SPATA13: variants seen among roughly 807,000 people sequenced by gnomAD.
The protein encoded by SPATA13 is spermatogenesis associated 13.
Under a neutral mutation model 104.0 loss-of-function variants are expected in SPATA13, and 50 were observed. That is an observed-to-expected ratio of 0.48 (90% CI 0.38 to 0.61). The LOEUF (loss-of-function observed/expected upper bound fraction) is 0.61, where lower values mean the gene tolerates loss of function less well. Ranked by LOEUF, SPATA13 falls within the 20% of genes least tolerant of loss-of-function variation. The pLI, the probability that SPATA13 is intolerant of heterozygous loss-of-function variation, is 0.00. For synonymous variants in SPATA13, 606 were observed against 667.5 expected (o/e 0.91, Z 1.42); for missense variants, 1,524 against 1,690.6 (o/e 0.90, Z 1.73).
At chr13:24,059,097 G>A (rs532383246) in intron 3 of SPATA13, among the ~76,000 whole-genome samples, 1 of 151,744 alleles carries the variant, frequency 6.6e-6, no homozygotes, top group East Asian at 1.9e-4. Flanking sequence ...TCAGCCTTCC[G>A]AGTAGCTGGG....
Position 24,222,888 on chromosome 13 carries a change from G to GT in SPATA13, c.-42_-41insT. 1 of 1,548,418 alleles carries GT rather than the reference G, an allele frequency of 6.5e-7. No individual in the cohort carries two copies. The highest frequency in any genetic ancestry group is 8.7e-7 in the Non-Finnish European group (1 of 1,145,150). On this transcript the variant is annotated 5_prime_UTR_variant, in exon 2 of 13. Coordinates refer to ENST00000382108, the MANE Select transcript of SPATA13 (RefSeq NM_001166271.3). ...CCAGGACGGCATTCCTGGAGATGAA[G>GT]GCCTGGAGCTGCGGTCTGCGGACTC...
At chr13:24,080,089 G>A (rs17079928) in intron 3 of SPATA13, among the ~76,000 whole-genome samples, 42,435 of 152,162 alleles carry the variant, frequency 0.28, 6,090 homozygotes, top group Non-Finnish European at 0.31. Context: ...GTGAGAAAGT[G>A]AACTGTGAAT....
intron 2 of SPATA13, among the ~76,000 whole-genome samples, chr13:23,998,154 A>C (rs931733458): frequency 1.3e-5 from 2 of 152,202 alleles, no homozygotes; most frequent in Non-Finnish European, 2.9e-5. Flanking sequence ...TGTTTTCTGA[A>C]GTCTTTGCAC....
chr13:24,094,274 G>C (rs1880000923), intron 3 of SPATA13, among the ~76,000 whole-genome samples: 1 of 152,198 alleles, frequency 6.6e-6, no homozygotes, highest in South Asian at 2.1e-4. Flanking sequence ...CCTCACAAAT[G>C]GGAACTCAGG....
At chr13:24,202,999 G>A (rs79068837) in intron 1 of SPATA13, among the ~76,000 whole-genome samples, 1,633 of 152,104 alleles carry the variant, frequency 0.011, 29 homozygotes, top group African/African-American at 0.038. Flanking sequence ...TAAGTTCCTG[G>A]GTACGTGTGT....
intron 3 of SPATA13, among the ~76,000 whole-genome samples, chr13:24,023,577 C>T (rs1877078984): frequency 6.6e-6 from 1 of 152,064 alleles, no homozygotes; most frequent in African/African-American, 2.4e-5. Context: ...GGTTGCTAAT[C>T]AGCTGATCCT....
chr13:24,021,194 A>T (rs543844688), intron 3 of SPATA13, among the ~76,000 whole-genome samples: 1 of 152,372 alleles, frequency 6.6e-6, no homozygotes, highest in South Asian at 2.1e-4. Context: ...CTGGCCTCTA[A>T]GAAGGGCTGG....
intron 2 of SPATA13, among the ~76,000 whole-genome samples, chr13:23,992,374 C>T (rs535438719): frequency 4.6e-5 from 7 of 152,122 alleles, no homozygotes; most frequent in Non-Finnish European, 1.0e-4. Flanking sequence ...GATACTAAGT[C>T]CTGTAGTAAA....
chr13:24,168,899 G>A (rs918590864), intron 1 of SPATA13, among the ~76,000 whole-genome samples: 1 of 152,106 alleles, frequency 6.6e-6, no homozygotes, highest in South Asian at 2.1e-4. Flanking sequence ...AGCCCACACA[G>A]TATTCTTTAA....
chr13:24,117,009 T>A (rs1336641565), intron 3 of SPATA13, among the ~76,000 whole-genome samples: 1 of 152,194 alleles, frequency 6.6e-6, no homozygotes, highest in Non-Finnish European at 1.5e-5. Flanking sequence ...ATCTTGGACT[T>A]CCCAGCCTCC....
chr13:24,269,344 A>G lies in SPATA13; in HGVS notation c.2165-14791A>G, dbSNP rs77681751. Among the ~76,000 whole-genome samples the G allele has an allele frequency of 5.7e-4, 87 of 152,134 alleles. 2 individuals are homozygous for G. The East Asian group carries it at 0.015, about 26-fold the overall frequency. ...AGCATGCATTTTACTAATTGGCACT[A>G]TCACTTGTTTAACATGTATGTATGT... On this transcript the variant is annotated intron_variant, in intron 4 of 12. Transcript: ENST00000382108.
Position 24,297,711 on chromosome 13 carries a change from C to T in SPATA13, c.3559C>T (p.Arg1187Trp), listed in dbSNP as rs1377491240. ...WLQACADERR[R>W]VQEDKEMGME... ...GCAGGCCTGTGCAGATGAAAGGAGG[C>T]GGGTGCAAGAGGACAAGGAGATGGG... is the stretch of plus-strand genomic sequence containing the variant. The change falls in exon 11 of 13, where the codon CGG (arginine) becomes TGG (tryptophan). Residue 1187 changes from arginine (R) to tryptophan (W), a missense_variant. Transcript: ENST00000382108. 1.9e-6 allele frequency: 3 copies of T among 1,612,700 alleles called. No individual in the cohort carries two copies. Among genetic ancestry groups the T allele is most frequent in the Non-Finnish European group, 2.5e-6 (3 of 1,178,990 alleles).
In SPATA13 at chr13:24,051,343, C is replaced by T. The variant is rs750401619; in HGVS notation, c.-112+33642C>T. 3.3e-5 allele frequency among the ~76,000 whole-genome samples: 5 copies of T among 152,224 alleles called. No homozygotes were observed. Among genetic ancestry groups the T allele is most frequent in the Non-Finnish European group, 2.9e-5 (2 of 68,038 alleles). On this transcript the variant is annotated intron_variant, in intron 3 of 14. Coordinates refer to the SPATA13 transcript ENST00000424834. The surrounding 1 kb of genome is among the most constrained non-coding windows in gnomAD (Gnocchi z 4.2). ...GGCATTTCAGGTGAATGACCCTTGT[C>T]TGGGGTTGAAGATGAATCTTCCCCA...
chr13:24,097,122 C>T (rs1422693041), intron 3 of SPATA13, among the ~76,000 whole-genome samples: 1 of 152,134 alleles, frequency 6.6e-6, no homozygotes, highest in Non-Finnish European at 1.5e-5. Flanking sequence ...AATAGGGCTT[C>T]CTGGAGGGAT....
rs548620058 is a variant in SPATA13, at chr13:24,300,363, G to A, written c.3584-38G>A. ...AAGTTTTGCTCTGAAACATGTCCAC[G>A]TGTTCTGAATATATATCACATTTAT... On this transcript the variant is annotated intron_variant, in intron 11 of 12. Coordinates refer to ENST00000382108, the MANE Select transcript of SPATA13 (RefSeq NM_001166271.3). 10 of 1,558,838 alleles carry A rather than the reference G, an allele frequency of 6.4e-6. No individual in the cohort carries two copies. The East Asian group carries it at 1.3e-4, about 21-fold the overall frequency.
chr13:24,303,248 T>C lies in SPATA13; in HGVS notation c.*475T>C. ...AATGCTGCACGTGTCTGGTCACACT[T>C]AGAAATTGAGCTCTTACTCTCTTCT... On this transcript the variant is annotated 3_prime_UTR_variant, in exon 13 of 13. Coordinates refer to ENST00000382108, the MANE Select transcript of SPATA13 (RefSeq NM_001166271.3). 1 of 428,964 alleles carries C rather than the reference T, an allele frequency of 2.3e-6. No homozygotes were observed. The highest frequency in any genetic ancestry group is 4.7e-6 in the Non-Finnish European group (1 of 214,468). The allele number at this position is 428,964 out of a possible 1,614,324, so 26.6% of individuals were successfully genotyped here.
In SPATA13 at chr13:24,223,868, G is replaced by A. The variant is rs1238107088; in HGVS notation, c.939G>A (p.Arg313=). 1 of 1,551,592 alleles carries A rather than the reference G, an allele frequency of 6.4e-7. No individual in the cohort carries two copies. Among genetic ancestry groups the A allele is most frequent in the East Asian group, 2.4e-5 (1 of 40,924 alleles). Residue 313 remains arginine, a synonymous_variant, in exon 2 of 13, where the codon AGG becomes AGA. Transcript: ENST00000382108. ...CCAAACGCTGGAGGAGCCCGATAAG[G>A]GCCAAGGACTTTGACAGAGTCTTCA... ...GRTKRWRSPI[R]AKDFDRVFKL...
At chr13:24,037,505 T>A (rs1033111425) in intron 3 of SPATA13, among the ~76,000 whole-genome samples, 1 of 151,824 alleles carries the variant, frequency 6.6e-6, no homozygotes, top group Non-Finnish European at 1.5e-5. Flanking sequence ...TCTTCTGGGT[T>A]CAAGCGATTC....
rs552328569 is a variant in SPATA13 at position 24,189,214 on chromosome 13, G to A, written c.-112+28282G>A. Among the ~76,000 whole-genome samples, 110 of 152,128 alleles carry A rather than the reference G, an allele frequency of 7.2e-4. 1 individual carries two copies. In the South Asian group the frequency reaches 0.021, roughly 29 times the overall value. ...AGGCCAGGCGTGGTGGCTCATGCCT[G>A]TAATCCCAGCACTTTGGGAGGCCGA... On this transcript the variant is annotated intron_variant, in intron 1 of 12. Coordinates refer to ENST00000382108, the MANE Select transcript of SPATA13 (RefSeq NM_001166271.3).
Sources: allele counts gnomAD v4.1 joint callset (sites outside exome capture counted in the v4.1 genomes callset), GRCh38; gene constraint gnomAD v4.1.1; non-coding constraint Gnocchi (gnomAD v3.1); transcripts MANE v1.5; gene names NCBI Gene and HGNC (gene_info 2026-07-23, HGNC 2026-07-21).